EEFSEC: variants seen among roughly 807,000 people sequenced by gnomAD.
EEFSEC encodes the protein selenocysteine-specific elongation factor.
EEFSEC carries 43 observed loss-of-function variants against 42.1 expected under a neutral mutation model. That is an observed-to-expected ratio of 1.02 (90% confidence interval 0.80 to 1.32). The LOEUF (loss-of-function observed/expected upper bound fraction) is 1.32. Among genes scored for constraint, EEFSEC ranks in the 40% most tolerant of loss-of-function variants. The pLI is 0.00. For synonymous variants in EEFSEC, 354 were observed against 339.1 expected (o/e 1.04, Z -0.48); for missense variants, 745 against 803.6 (o/e 0.93, Z 0.88).
At chr3:128,223,474 G>C (rs907217160) in intron 1 of EEFSEC, among the ~76,000 whole-genome samples, 5 of 152,190 alleles carry the variant, frequency 3.3e-5, no homozygotes, top group African/African-American at 1.2e-4. Context: ...AAGCAGTCTT[G>C]CTGGGGACTG....
At chr3:128,262,269 C>A in intron 3 of EEFSEC, 45 bp downstream of exon 3, 1 of 1,546,698 alleles carries the variant, frequency 6.5e-7, no homozygotes. Context: ...CCCAGCGCTG[C>A]TCAGGCCAGC....
chr3:128,327,634 G>C (rs554366148), intron 4 of EEFSEC, among the ~76,000 whole-genome samples: 6 of 152,308 alleles, frequency 3.9e-5, no homozygotes, highest in African/African-American at 1.4e-4. Flanking sequence ...GTGCAGGAAG[G>C]CATTCCACAT....
At chr3:128,299,280 T>C (rs2107999918) in intron 4 of EEFSEC, among the ~76,000 whole-genome samples, 1 of 152,324 alleles carries the variant, frequency 6.6e-6, no homozygotes, top group South Asian at 2.1e-4. Context: ...GGTGAGGTGG[T>C]AACTCATTGT....
intron 1 of EEFSEC, among the ~76,000 whole-genome samples, chr3:128,160,757 CTTAAA>C (rs563235173): frequency 1.0e-3 from 155 of 152,232 alleles, no homozygotes; most frequent in East Asian, 2.9e-3. Flanking sequence ...TTTAATATAT[CTTAAA>C]TTAAAGCTGG....
intron 1 of EEFSEC, among the ~76,000 whole-genome samples, chr3:128,216,939 T>G (rs931379408): frequency 4.0e-5 from 6 of 151,480 alleles, no homozygotes; most frequent in African/African-American, 1.5e-4. Flanking sequence ...AGATGGAGAC[T>G]CTGGCTGCCT....
chr3:128,368,005 C>T (rs1049152648), intron 6 of EEFSEC, among the ~76,000 whole-genome samples: 1 of 152,222 alleles, frequency 6.6e-6, no homozygotes, highest in East Asian at 1.9e-4. Context: ...GGCCTGATGC[C>T]CTTGGGCTGG....
intron 1 of EEFSEC, among the ~76,000 whole-genome samples, chr3:128,211,464 G>C (rs1160996676): frequency 6.6e-6 from 1 of 151,840 alleles, no homozygotes; most frequent in African/African-American, 2.4e-5. Context: ...ATAACATACT[G>C]TTACTTGACA....
intron 4 of EEFSEC, among the ~76,000 whole-genome samples, chr3:128,319,899 C>T (rs112686775): frequency 2.0e-4 from 31 of 152,368 alleles, no homozygotes; most frequent in African/African-American, 6.5e-4. Flanking sequence ...TCTGCAGACA[C>T]GCTCAGTTCT....
chr3:128,379,880 G>A (rs2067754141), intron 6 of EEFSEC, among the ~76,000 whole-genome samples: 1 of 152,244 alleles, frequency 6.6e-6, no homozygotes, highest in Non-Finnish European at 1.5e-5. Context: ...AGAGGTGGAT[G>A]AATGCCCAGG....
chr3:128,409,213 C>T (rs1386651794), downstream of EEFSEC, among the ~76,000 whole-genome samples: 4 of 152,236 alleles, frequency 2.6e-5, no homozygotes, highest in African/African-American at 4.8e-5. Flanking sequence ...GATGTTCAAA[C>T]GTTCCTTTAT....
chr3:128,295,414 A>G (rs2066692354), intron 4 of EEFSEC, among the ~76,000 whole-genome samples: 2 of 106,128 alleles, frequency 1.9e-5, no homozygotes, highest in South Asian at 2.9e-4. Context: ...CCCTTTTGTG[A>G]TCTTTACTTC....
chr3:128,301,504 T>A (rs373363910), intron 4 of EEFSEC, among the ~76,000 whole-genome samples: 58 of 152,262 alleles, frequency 3.8e-4, no homozygotes, highest in African/African-American at 1.2e-3. Context: ...ACAGAAAGTC[T>A]AACTGGCCCT....
the EEFSEC span, among the ~76,000 whole-genome samples, chr3:128,417,537 G>A: frequency 1.3e-5 from 2 of 152,088 alleles, no homozygotes; most frequent in Non-Finnish European, 2.9e-5. The surrounding 1 kb of genome is among the most constrained non-coding windows in gnomAD (Gnocchi z 4.3). Flanking sequence ...CCCACTCTCA[G>A]CATTCTGCCT....
chr3:128,419,559 G>A, the EEFSEC span, among the ~76,000 whole-genome samples: 20 of 152,210 alleles, frequency 1.3e-4, no homozygotes. Flanking sequence ...CAGCAAGGGG[G>A]GTTAGGAAGG....
At chr3:128,168,593 G>C (rs2065264491) in intron 1 of EEFSEC, among the ~76,000 whole-genome samples, 1 of 152,214 alleles carries the variant, frequency 6.6e-6, no homozygotes, top group African/African-American at 2.4e-5. Flanking sequence ...ACCTCCATCA[G>C]CTAGCCAGTT....
chr3:128,250,141 AT>A (rs2066169661), intron 2 of EEFSEC, among the ~76,000 whole-genome samples: 1 of 152,078 alleles, frequency 6.6e-6, no homozygotes, highest in South Asian at 2.1e-4. Flanking sequence ...TTATTTATGT[AT>A]TCTGGACATT....
chr3:128,409,296 G>A (rs1228411727), downstream of EEFSEC, among the ~76,000 whole-genome samples: 1 of 152,170 alleles, frequency 6.6e-6, no homozygotes, highest in East Asian at 1.9e-4. Context: ...ATTTGCAAAT[G>A]GCATTAAAAA....
chr3:128,301,327 C>T (rs1383565556), intron 4 of EEFSEC, among the ~76,000 whole-genome samples: 2 of 152,182 alleles, frequency 1.3e-5, no homozygotes, highest in Non-Finnish European at 2.9e-5. Context: ...GCAGCTCCTA[C>T]CCATATGTAA....
intron 1 of EEFSEC, among the ~76,000 whole-genome samples, chr3:128,166,113 A>G (rs571705531): frequency 1.2e-4 from 18 of 152,242 alleles, no homozygotes; most frequent in Non-Finnish European, 2.4e-4. Flanking sequence ...ACTTTACATA[A>G]GAAGGACTCC....
Sources: gnomAD v4.1 joint callset for allele counts (sites outside exome capture counted in the v4.1 genomes callset) on GRCh38, gnomAD v4.1.1 for gene constraint, Gnocchi (gnomAD v3.1) non-coding constraint, MANE v1.5 for transcripts, NCBI Gene and HGNC (gene_info 2026-07-23, HGNC 2026-07-21) for gene names.